BCR: variants seen among roughly 807,000 people sequenced by gnomAD.
The protein encoded by BCR is BCR activator of RhoGEF and GTPase.
In BCR, 58 loss-of-function variants were observed where a neutral mutation model predicts 138.6. The observed-to-expected ratio is 0.42, with a 90% CI of 0.34 to 0.52. BCR has a LOEUF of 0.52. Among genes scored for constraint, BCR ranks in the 20% least tolerant of loss-of-function variants. The probability of loss-of-function intolerance (pLI) is 0.06; values close to 1 mark genes in which losing one functional copy is unlikely to be tolerated. For missense variants in BCR, 1,599 were observed against 1,727.2 expected, an observed-to-expected ratio of 0.93 and a Z score of 1.32; for synonymous variants, 786 against 730.1, an observed-to-expected ratio of 1.08 and a Z score of -1.23.
intron 1 of BCR, among the ~76,000 whole-genome samples, chr22:23,237,924 A>G (rs776835492): frequency 6.6e-6 from 1 of 152,234 alleles, no homozygotes; most frequent in African/African-American, 2.4e-5. Flanking sequence ...GGAGCGAAAG[A>G]GTGCGCTGCT....
At chr22:23,207,746 C>G (rs922020216) in intron 1 of BCR, among the ~76,000 whole-genome samples, 3 of 152,372 alleles carry the variant, frequency 2.0e-5, no homozygotes, top group Middle Eastern at 3.4e-3. Context: ...ACAGGTTTCT[C>G]AGACACTTGG....
chr22:23,289,880 G>A (rs537796266), intron 13 of BCR: 19 of 552,770 alleles, frequency 3.4e-5, no homozygotes, highest in Admixed American at 1.6e-4. Context: ...GGCTGCAGCA[G>A]ACGCTCCTCA....
chr22:23,288,597 C>T (rs894279627), intron 12 of BCR, among the ~76,000 whole-genome samples: 1 of 152,154 alleles, frequency 6.6e-6, no homozygotes, highest in Non-Finnish European at 1.5e-5. Context: ...CTCATCTACT[C>T]CCCGCCCCCT....
intron 1 of BCR, among the ~76,000 whole-genome samples, chr22:23,230,332 C>A (rs116329085): frequency 1.3e-5 from 2 of 152,186 alleles, no homozygotes; most frequent in Non-Finnish European, 2.9e-5. Flanking sequence ...TACATTTAGA[C>A]GTCCTTCTCT....
At chr22:23,235,146 C>T (rs1040329421) in intron 1 of BCR, among the ~76,000 whole-genome samples, 1 of 143,812 alleles carries the variant, frequency 7.0e-6, no homozygotes, top group African/African-American at 2.5e-5. Flanking sequence ...GCTCTGTCAC[C>T]CAGGCTGGAG....
intron 1 of BCR, among the ~76,000 whole-genome samples, chr22:23,249,690 G>A (rs1198128999): frequency 2.0e-5 from 3 of 152,090 alleles, no homozygotes; most frequent in African/African-American, 7.2e-5. Context: ...TGGTTAGAAT[G>A]GGGGGATGAG....
intron 8 of BCR, among the ~76,000 whole-genome samples, chr22:23,282,560 G>A (rs1465962811): frequency 6.6e-6 from 1 of 152,244 alleles, no homozygotes; most frequent in Non-Finnish European, 1.5e-5. Flanking sequence ...TGTTGCCTCC[G>A]GCCCCAGAAT....
intron 22 of BCR, among the ~76,000 whole-genome samples, chr22:23,314,992 A>G (rs1401164434): frequency 6.6e-6 from 1 of 152,242 alleles, no homozygotes; most frequent in Non-Finnish European, 1.5e-5. Context: ...TGGGAGGCCA[A>G]GGCAGGATAA....
chr22:23,314,849 C>A, intron 22 of BCR, 135 bp downstream of exon 22: 1 of 1,186,210 alleles, frequency 8.4e-7, no homozygotes, highest in Non-Finnish European at 1.2e-6. Flanking sequence ...GAGGGACTTG[C>A]CTAGGTCTGC....
chr22:23,262,807 G>C, intron 4 of BCR: 1 of 996,646 alleles, frequency 1.0e-6, no homozygotes, highest in Non-Finnish European at 1.2e-6. Context: ...AGGGAAAAGC[G>C]AGCGAGAGGG....
Position 23,181,696 on chromosome 22 carries a change from T to TACGAGG in BCR, c.740_745dup (p.Glu247_Asp248dup). ...GAGCAGCTGCGGCGTCGACGGCGACTACGAGGACGCCGAGTTGAACCCCCG... is the reference window on the plus strand; with the variant it reads ...GAGCAGCTGCGGCGTCGACGGCGACTACGAGGACGAGGACGCCGAGTTGAACCCCCG... On this transcript the variant is annotated inframe_insertion, in exon 1 of 23. Coordinates refer to ENST00000305877, the MANE Select transcript of BCR (RefSeq NM_004327.4). 1.2e-6 allele frequency: 2 copies of TACGAGG among 1,604,806 alleles called. No homozygotes were observed. Among genetic ancestry groups the TACGAGG allele is most frequent in the Non-Finnish European group, 1.7e-6 (2 of 1,179,878 alleles).
chr22:23,216,969 G>A, intron 1 of BCR: 1 of 426,878 alleles, frequency 2.3e-6, no homozygotes, highest in South Asian at 1.7e-5. Flanking sequence ...CGCAAGTCTT[G>A]CCCAGATCTA....
At chr22:23,274,930 A>G (rs903228863) in intron 8 of BCR, among the ~76,000 whole-genome samples, 29 of 149,030 alleles carry the variant, frequency 1.9e-4, no homozygotes, top group Admixed American at 9.3e-4. Context: ...AAAAAAAAAA[A>G]AGAGAACCAC....
At chr22:23,307,661 GC>G (rs1229834877) in intron 16 of BCR, 2 of 152,002 alleles carry the variant, frequency 1.3e-5, no homozygotes, top group East Asian at 2.0e-4. Context: ...TGGCCGCATG[GC>G]CCCCGGTGGG....
At chr22:23,261,252 A>G in intron 3 of BCR, 103 bp from the exon 4 acceptor site, 1 of 1,357,960 alleles carries the variant, frequency 7.4e-7, no homozygotes. Context: ...TTTAAAAATA[A>G]AAGTGCATAT....
intron 1 of BCR, among the ~76,000 whole-genome samples, chr22:23,200,958 C>G (rs2072546519): frequency 6.6e-6 from 1 of 152,212 alleles, no homozygotes; most frequent in South Asian, 2.1e-4. Flanking sequence ...CAGGCTGGTA[C>G]ATTAGGAGCC....
At chr22:23,183,899 G>A (rs866142943) in intron 1 of BCR, among the ~76,000 whole-genome samples, 1 of 152,176 alleles carries the variant, frequency 6.6e-6, no homozygotes, top group African/African-American at 2.4e-5. Flanking sequence ...AATGAATATA[G>A]GAATTATTAT....
chr22:23,224,454 A>G (rs1466079808), intron 1 of BCR, among the ~76,000 whole-genome samples: 1 of 152,188 alleles, frequency 6.6e-6, no homozygotes, highest in Non-Finnish European at 1.5e-5. Flanking sequence ...GGTGAGCCAC[A>G]TTCTCTCAGC....
At chr22:23,233,102 A>C (rs912535726) in intron 1 of BCR, among the ~76,000 whole-genome samples, 1 of 152,148 alleles carries the variant, frequency 6.6e-6, no homozygotes, top group African/African-American at 2.4e-5. Flanking sequence ...AGGCTCTTCT[A>C]TGCCTTCTGT....
Sources: allele counts gnomAD v4.1 joint callset (sites outside exome capture counted in the v4.1 genomes callset), GRCh38; gene constraint gnomAD v4.1.1; transcripts MANE v1.5; gene names NCBI Gene and HGNC (gene_info 2026-07-23, HGNC 2026-07-21).